COLEC10: variants seen among roughly 807,000 people sequenced by gnomAD.
The protein encoded by COLEC10 is collectin-10.
Under a neutral mutation model 28.4 loss-of-function variants are expected in COLEC10, and 22 were observed. The observed-to-expected ratio is 0.78, with a 90% CI of 0.55 to 1.11. The LOEUF (loss-of-function observed/expected upper bound fraction) is 1.11. COLEC10 is among the 50% of genes least tolerant of loss of function. COLEC10 has a pLI of 0.00. For missense variants in COLEC10, 361 were observed against 344.1 expected (o/e 1.05, Z -0.39); for synonymous variants, 125 against 116.1 (o/e 1.08, Z -0.49).
intron 2 of COLEC10, among the ~76,000 whole-genome samples, chr8:119,048,932 T>A (rs1814629729): frequency 6.6e-6 from 1 of 152,184 alleles, no homozygotes. Flanking sequence ...ATAGTGCTTG[T>A]GGGCTATGGG....
rs918821876 is a variant in COLEC10, at chr8:119,010,430, C to A, written n.235+877C>A. 2.7e-5 allele frequency among the ~76,000 whole-genome samples: 4 copies of A among 150,838 alleles called. 1 individual carries two copies. The highest frequency in any genetic ancestry group is 9.9e-5 in the African/African-American group (4 of 40,318). ...TACCTACTGAATAACATCTTGGTTG[C>A]TTTTAAGTTTTGGCAATCATGAAGA... On this transcript the variant is annotated intron_variant and non_coding_transcript_variant, in intron 2 of 6. Coordinates refer to the COLEC10 transcript ENST00000521788.
chr8:118,954,461 T>G, the COLEC10 span, among the ~76,000 whole-genome samples: 1 of 152,176 alleles, frequency 6.6e-6, no homozygotes, highest in Non-Finnish European at 1.5e-5. Context: ...AAGATTTAAT[T>G]GGAATGGACC....
chr8:119,022,157 A>G (rs565854522), intron 2 of COLEC10, among the ~76,000 whole-genome samples: 5 of 152,300 alleles, frequency 3.3e-5, no homozygotes, highest in African/African-American at 1.2e-4. Context: ...CAGGACTGTT[A>G]TAGAACTATC....
the COLEC10 span, among the ~76,000 whole-genome samples, chr8:118,962,006 ACCC>A: frequency 4.6e-5 from 7 of 151,546 alleles, no homozygotes; most frequent in African/African-American, 1.5e-4. Context: ...GAAACCAATC[ACCC>A]CCCTGTTGTT....
the COLEC10 span, among the ~76,000 whole-genome samples, chr8:118,960,841 G>A: frequency 2.0e-5 from 3 of 149,750 alleles, no homozygotes; most frequent in African/African-American, 7.4e-5. Flanking sequence ...AGAAGGATTA[G>A]GAGGAAGAGG....
At chr8:118,971,348 C>T in the COLEC10 span, among the ~76,000 whole-genome samples, 8 of 151,964 alleles carry the variant, frequency 5.3e-5, no homozygotes, top group East Asian at 1.9e-4. Flanking sequence ...AGGCATGACT[C>T]TCCTTTTCTG....
chr8:119,004,386 A>C (rs1349340473), intron 1 of COLEC10, among the ~76,000 whole-genome samples: 1 of 151,640 alleles, frequency 6.6e-6, no homozygotes. Flanking sequence ...CTAAGTGGCT[A>C]AGAGCTGCCC....
At chr8:119,101,796 TTTTTGTTTTGTTTTG>T (rs751562392) in intron 3 of COLEC10, among the ~76,000 whole-genome samples, 3 of 152,166 alleles carry the variant, frequency 2.0e-5, no homozygotes, top group Non-Finnish European at 4.4e-5. Flanking sequence ...TACATGTGTT[TTTTTGTTTTGTTTTG>T]TTTTGTTTTG....
the COLEC10 span, among the ~76,000 whole-genome samples, chr8:118,989,676 C>A: frequency 6.6e-6 from 1 of 151,190 alleles, no homozygotes; most frequent in Non-Finnish European, 1.5e-5. Flanking sequence ...AAGATTATAT[C>A]AATGTGTTAG....
chr8:119,070,450 T>G (rs907045454), intron 1 of COLEC10, among the ~76,000 whole-genome samples: 6 of 126,366 alleles, frequency 4.7e-5, no homozygotes, highest in African/African-American at 1.9e-4. Flanking sequence ...TCCCTCGCTC[T>G]CTCTCTCTCT....
rs1272607927 is a variant in COLEC10 at position 119,105,822 on chromosome 8, T to C, written c.465T>C (p.Thr155=). ...CAGTGATAGCAGGGATTAGGGAAAC[T>C]GAAGAGAAATTCTACTACATCGTGC... ...VKNVIAGIRE[T]EEKFYYIVQE... is the part of the protein sequence containing the mutation. The change falls in exon 6 of 6, where the codon ACT becomes ACC. Residue 155 remains threonine, a synonymous_variant. Transcript: ENST00000332843. The C allele has an allele frequency of 1.2e-6, 2 of 1,612,486 alleles. No individual in the cohort carries two copies. The highest frequency in any genetic ancestry group is 1.7e-5 in the Admixed American group (1 of 59,910).
chr8:119,048,360 C>T (rs372424007), intron 2 of COLEC10, among the ~76,000 whole-genome samples: 1 of 152,186 alleles, frequency 6.6e-6, no homozygotes, highest in African/African-American at 2.4e-5. Flanking sequence ...GATGTCTATT[C>T]ATTCCAGTTG....
intron 2 of COLEC10, among the ~76,000 whole-genome samples, chr8:119,024,884 G>T (rs1814159878): frequency 1.3e-5 from 2 of 152,102 alleles, no homozygotes; most frequent in African/African-American, 4.8e-5. Context: ...ATTGAAAGGG[G>T]ATTTAGGATT....
the COLEC10 span, among the ~76,000 whole-genome samples, chr8:118,972,736 C>T: frequency 6.6e-6 from 1 of 151,888 alleles, no homozygotes; most frequent in East Asian, 1.9e-4. Flanking sequence ...TACCTTCTAG[C>T]ATAATCATTA....
chr8:119,066,346 A>G (rs2130211568), upstream of COLEC10, among the ~76,000 whole-genome samples: 1 of 152,284 alleles, frequency 6.6e-6, no homozygotes, highest in Admixed American at 6.5e-5. Context: ...ATAGATAGAG[A>G]TCCTGATCTC....
In COLEC10 at chr8:119,069,621, AAAAAAAAAATATATATATATAT is replaced by A. The variant is rs1340107407; in HGVS notation, c.148+2194_148+2215del. Among the ~76,000 whole-genome samples the A allele has an allele frequency of 6.8e-4, 42 of 61,712 alleles. 1 individual carries two copies. Among genetic ancestry groups the A allele is most frequent in the East Asian group, 3.0e-3 (6 of 1,996 alleles). 40.5% of individuals were successfully genotyped at this position (61,712 alleles called of 152,430 possible). On this transcript the variant is annotated intron_variant, in intron 1 of 5. Coordinates refer to ENST00000332843, the MANE Select transcript of COLEC10 (RefSeq NM_006438.5). The stretch of plus-strand genomic sequence containing the variant: ...ACCCCATCTCAAAAAAAAAAAAAAA[AAAAAAAAAATATATATATATAT>A]ATATATATATATATATATGTAAACT...
chr8:119,039,487 C>T (rs78784234), intron 2 of COLEC10, among the ~76,000 whole-genome samples: 5 of 152,098 alleles, frequency 3.3e-5, no homozygotes, highest in East Asian at 3.9e-4. Flanking sequence ...GGGCATAGTG[C>T]GTGGCTCATA....
intron 1 of COLEC10, among the ~76,000 whole-genome samples, chr8:119,000,062 G>C (rs1016477198): frequency 6.6e-6 from 1 of 152,278 alleles, no homozygotes; most frequent in Admixed American, 6.5e-5. Flanking sequence ...AAAAGAAAGA[G>C]CATAGTGCTG....
At chr8:119,089,833 A>T (rs1815554126) in intron 2 of COLEC10, 82 bp downstream of exon 2, 3 of 1,112,364 alleles carry the variant, frequency 2.7e-6, no homozygotes, top group African/African-American at 1.6e-5. Flanking sequence ...GGAAATTAGC[A>T]GCTTTCATAA....
Sources: allele counts gnomAD v4.1 joint callset (sites outside exome capture counted in the v4.1 genomes callset), GRCh38; gene constraint gnomAD v4.1.1; transcripts MANE v1.5; gene names NCBI Gene and HGNC (gene_info 2026-07-23, HGNC 2026-07-21).